The following MLYCD variants were observed in gnomAD, a reference collection of about 807,000 sequenced individuals.
The protein encoded by MLYCD is malonyl-CoA decarboxylase, also known as malonyl-CoA decarboxylase, mitochondrial.
In MLYCD, 27 loss-of-function variants were observed where a neutral mutation model predicts 35.8. That is an observed-to-expected ratio of 0.75 (90% CI 0.56 to 1.04). MLYCD has a LOEUF of 1.04. Among genes scored for constraint, MLYCD ranks in the 50% least tolerant of loss-of-function variants. The pLI is 0.00. For missense variants in MLYCD, 917 were observed against 665.1 expected (o/e 1.38, Z -4.17); for synonymous variants, 403 against 302.4 (o/e 1.33, Z -3.45).
At chr16:83,910,069 G>A (rs1359760441) in intron 3 of MLYCD, among the ~76,000 whole-genome samples, 1 of 152,156 alleles carries the variant, frequency 6.6e-6, no homozygotes, top group Non-Finnish European at 1.5e-5. Flanking sequence ...GTGAGAATGT[G>A]CGTGGGTACG....
At chr16:83,906,617 G>A (rs545835506) in intron 1 of MLYCD, among the ~76,000 whole-genome samples, 3 of 152,330 alleles carry the variant, frequency 2.0e-5, no homozygotes, top group Admixed American at 6.5e-5. Context: ...TGCTGTCTTA[G>A]TGTTTCCCTT....
In MLYCD at chr16:83,918,625, A is replaced by G. The variant is rs1567639089; in HGVS notation, c.*3136A>G. On this transcript the variant is annotated 3_prime_UTR_variant, in exon 5 of 5. Transcript: ENST00000262430. ...CACAGTGCACAGGAGAACACGGTGCACCGGAGAACATGCACACATGGTGCA... is the reference window on the plus strand; with the variant it reads ...CACAGTGCACAGGAGAACACGGTGCGCCGGAGAACATGCACACATGGTGCA... The G allele has an allele frequency of 6.8e-6, 1 of 146,792 alleles. No individual in the cohort carries two copies. The highest frequency in any genetic ancestry group is 1.5e-5 in the Non-Finnish European group (1 of 66,720). The allele number at this position is 146,792 out of a possible 1,614,324, so 9.1% of individuals were successfully genotyped here.
At position 83,923,050 on chromosome 16, in the gene MLYCD, C is replaced by G. The variant is rs1308273988; in HGVS notation, c.*7561C>G. ...TCAGAATCTGAACTCCCTGTGGTCACTCTGAGGCCTCTCTGTCTCTCTGTG... is the reference window on the plus strand; with the variant it reads ...TCAGAATCTGAACTCCCTGTGGTCAGTCTGAGGCCTCTCTGTCTCTCTGTG... On this transcript the variant is annotated 3_prime_UTR_variant, in exon 5 of 5. Coordinates refer to ENST00000262430, the MANE Select transcript of MLYCD (RefSeq NM_012213.3). 1.3e-5 allele frequency: 2 copies of G among 152,302 alleles called. No individual in the cohort carries two copies. Among genetic ancestry groups the G allele is most frequent in the Non-Finnish European group, 2.9e-5 (2 of 68,098 alleles). 9.4% of individuals were successfully genotyped at this position (152,302 alleles called of 1,614,324 possible). A position where few individuals can be genotyped will look rare whatever the true frequency, so the allele number is the denominator to read the frequency against.
Position 83,899,339 on chromosome 16 carries a change from G to A in MLYCD, c.195G>A (p.Glu65=). ...ELREKTPAPA[E]GQCADFVSFY... ...GCGAGAAGACACCGGCGCCCGCCGA[G>A]GGTCAGTGCGCGGACTTCGTGAGCT... The change falls in exon 1 of 5, where the codon GAG becomes GAA. Residue 65 remains glutamate (E), a synonymous_variant. Transcript: ENST00000262430. 1 of 1,515,052 alleles carries A rather than the reference G, an allele frequency of 6.6e-7. No individual in the cohort carries two copies. 93.9% of individuals were successfully genotyped at this position (1,515,052 alleles called of 1,614,324 possible).
Position 83,908,173 on chromosome 16 carries a change from G to C in MLYCD, c.689G>C (p.Arg230Pro). Residue 230 changes from arginine to proline, a missense_variant, in exon 3 of 5, where the codon CGC (arginine) becomes CCC (proline). Coordinates refer to ENST00000262430, the MANE Select transcript of MLYCD (RefSeq NM_012213.3). ...PVKNWMDMKR[R>P]VGPYRRCYFF... is the part of the protein sequence containing the mutation. Reference sequence around the variant, plus strand: ...AAAAACTGGATGGACATGAAGCGCCGCGTTGGGCCCTACAGAAGGTGTTAC... The same window carrying C: ...AAAAACTGGATGGACATGAAGCGCCCCGTTGGGCCCTACAGAAGGTGTTAC... 1 of 1,614,196 alleles carries C rather than the reference G, an allele frequency of 6.2e-7. No individual in the cohort carries two copies. The highest frequency in any genetic ancestry group is 8.5e-7 in the Non-Finnish European group (1 of 1,180,042).
rs1907790491 is a variant in MLYCD at position 83,925,878 on chromosome 16, GT to G, written c.*10390del. 6.6e-6 allele frequency: 1 copy of G among 152,428 alleles called. No individual in the cohort carries two copies. Among genetic ancestry groups the G allele is most frequent in the Admixed American group, 6.5e-5 (1 of 15,272 alleles). 9.4% of individuals were successfully genotyped at this position (152,428 alleles called of 1,614,324 possible). ...AGGTCACAGTCCCCCTTTATTTGCC[GT>G]CTTCTCACTGGGGCCTCTCCTTCCT... On this transcript the variant is annotated 3_prime_UTR_variant, in exon 5 of 5. Coordinates refer to ENST00000262430, the MANE Select transcript of MLYCD (RefSeq NM_012213.3).
chr16:83,919,727 C>CAGAACACACGGGGCACAGG lies in MLYCD; in HGVS notation c.*4247_*4248insGGGGCACAGGAGAACACAC, dbSNP rs1555540067. On this transcript the variant is annotated 3_prime_UTR_variant, in exon 5 of 5. Coordinates refer to ENST00000262430, the MANE Select transcript of MLYCD (RefSeq NM_012213.3). ...GGGGCACAGGAGAACACACAGTGCA[C>CAGAACACACGGGGCACAGG]AGAACACACAGTGCACAGAACACAC... The CAGAACACACGGGGCACAGG allele has an allele frequency of 1.1e-4, 15 of 135,412 alleles. No homozygotes were observed. The highest frequency in any genetic ancestry group is 5.4e-4 in the African/African-American group (15 of 28,004). 8.4% of individuals were successfully genotyped at this position (135,412 alleles called of 1,614,324 possible).
At position 83,918,095 on chromosome 16, in the gene MLYCD, C is replaced by G. The variant is rs921032165; in HGVS notation, c.*2606C>G. On this transcript the variant is annotated 3_prime_UTR_variant, in exon 5 of 5. Coordinates refer to ENST00000262430, the MANE Select transcript of MLYCD (RefSeq NM_012213.3). ...GTTCAAATCCATTTTACTATTGCGG[C>G]CAAGGAGCCCTCCCTCCAGCAAGGC... The G allele has an allele frequency of 6.6e-6, 1 of 152,264 alleles. No individual in the cohort carries two copies. The highest frequency in any genetic ancestry group is 1.5e-5 in the Non-Finnish European group (1 of 68,054). The allele number at this position is 152,264 out of a possible 1,614,324, so 9.4% of individuals were successfully genotyped here. A position where few individuals can be genotyped will look rare whatever the true frequency, so the allele number is the denominator to read the frequency against.
rs1341472324 is a variant in MLYCD, at chr16:83,912,486, G to A, written c.948+119G>A. ...ATGAAGACAGGAGCTAAAGGGAGGGGCAGGGGGTAGAAAAGGTGCCAGAGA... is the reference window on the plus strand; with the variant it reads ...ATGAAGACAGGAGCTAAAGGGAGGGACAGGGGGTAGAAAAGGTGCCAGAGA... On this transcript the variant is annotated intron_variant, in intron 4 of 4. Transcript: ENST00000262430. 14 of 1,395,244 alleles carry A rather than the reference G, an allele frequency of 1.0e-5. No individual in the cohort carries two copies. The Admixed American group carries it at 2.5e-4, about 25-fold the overall frequency. The allele number at this position is 1,395,244 out of a possible 1,614,324, so 86.4% of individuals were successfully genotyped here.
At position 83,920,320 on chromosome 16, in the gene MLYCD, C is replaced by G. The variant is rs892643344; in HGVS notation, c.*4831C>G. The G allele has an allele frequency of 4.6e-5, 7 of 152,314 alleles. No individual in the cohort carries two copies. Among genetic ancestry groups the G allele is most frequent in the Non-Finnish European group, 8.8e-5 (6 of 68,028 alleles). 9.4% of individuals were successfully genotyped at this position (152,314 alleles called of 1,614,324 possible). On this transcript the variant is annotated 3_prime_UTR_variant, in exon 5 of 5. Coordinates refer to ENST00000262430, the MANE Select transcript of MLYCD (RefSeq NM_012213.3). ...GGTTCCTCAAAACCTTTTTGGGCAGCTAGCAGCTTTGACTAGCAGCTCATC... is the reference window on the plus strand; with the variant it reads ...GGTTCCTCAAAACCTTTTTGGGCAGGTAGCAGCTTTGACTAGCAGCTCATC...
Position 83,915,101 on chromosome 16 carries a change from A to G in MLYCD, c.1094A>G (p.Glu365Gly). The change falls in exon 5 of 5, where the codon GAG (glutamate) becomes GGG (glycine). Residue 365 changes from glutamate (E) to glycine (G), a missense_variant. Glu to Gly is a moderately conservative substitution (Grantham distance 98). Coordinates refer to ENST00000262430, the MANE Select transcript of MLYCD (RefSeq NM_012213.3). Reference sequence around the variant, plus strand: ...GATTCGGAATGTAAGGAAATCTCGGAGATCACAGGTGGCCCCATTAACGAG... The same window carrying G: ...GATTCGGAATGTAAGGAAATCTCGGGGATCACAGGTGGCCCCATTAACGAG... ...FTDSECKEIS[E>G]ITGGPINETL... 1 of 1,614,258 alleles carries G rather than the reference A, an allele frequency of 6.2e-7. No homozygotes were observed. The highest frequency in any genetic ancestry group is 8.5e-7 in the Non-Finnish European group (1 of 1,180,054).
chr16:83,902,190 T>G (rs1364048001), intron 1 of MLYCD, among the ~76,000 whole-genome samples: 1 of 142,112 alleles, frequency 7.0e-6, no homozygotes, highest in Non-Finnish European at 1.5e-5. Flanking sequence ...TATATATATA[T>G]GGTTTTTTGT....
intron 3 of MLYCD, among the ~76,000 whole-genome samples, chr16:83,911,382 G>C (rs572931304): frequency 6.6e-6 from 1 of 152,344 alleles, no homozygotes; most frequent in South Asian, 2.1e-4. Flanking sequence ...GAAGGTCGCT[G>C]GTAGAAGTTA....
rs1187018250 is a variant in MLYCD, at chr16:83,919,710, G to A, written c.*4221G>A. 6.8e-6 allele frequency: 1 copy of A among 147,972 alleles called. No individual in the cohort carries two copies. Among genetic ancestry groups the A allele is most frequent in the African/African-American group, 2.5e-5 (1 of 39,218 alleles). The allele number at this position is 147,972 out of a possible 1,614,324, so 9.2% of individuals were successfully genotyped here. A position where few individuals can be genotyped will look rare whatever the true frequency, so the allele number is the denominator to read the frequency against. ...CAGTGCACAGAACACACGGGGCACA[G>A]GAGAACACACAGTGCACAGAACACA... On this transcript the variant is annotated 3_prime_UTR_variant, in exon 5 of 5. Coordinates refer to ENST00000262430, the MANE Select transcript of MLYCD (RefSeq NM_012213.3).
At chr16:83,912,850 A>C (rs1312105583) in intron 4 of MLYCD, 1 of 241,838 alleles carries the variant, frequency 4.1e-6, no homozygotes, top group Non-Finnish European at 8.3e-6. Flanking sequence ...GGGAGTGCTG[A>C]GGTGAGACCA....
In MLYCD at chr16:83,918,514, ACAC is replaced by A. The variant is rs1475256859; in HGVS notation, c.*3026_*3028del. On this transcript the variant is annotated 3_prime_UTR_variant, in exon 5 of 5. Coordinates refer to ENST00000262430, the MANE Select transcript of MLYCD (RefSeq NM_012213.3). ...GAGAACACGCACAGTGCACAGGAGAACACAGAGTGCACAGGAGAACACATGGTG... is the reference window on the plus strand; with the variant it reads ...GAGAACACGCACAGTGCACAGGAGAAAGAGTGCACAGGAGAACACATGGTG... 3.5e-5 allele frequency: 5 copies of A among 142,506 alleles called. No individual in the cohort carries two copies. Among genetic ancestry groups the A allele is most frequent in the Admixed American group, 2.8e-4 (4 of 14,086 alleles). 8.8% of individuals were successfully genotyped at this position (142,506 alleles called of 1,614,324 possible).
chr16:83,899,621 C>T lies in MLYCD; in HGVS notation c.477C>T (p.Ala159=), dbSNP rs1302265017. 1.3e-6 allele frequency: 2 copies of T among 1,570,268 alleles called. No homozygotes were observed. Among genetic ancestry groups the T allele is most frequent in the Non-Finnish European group, 1.7e-6 (2 of 1,167,220 alleles). The part of the protein sequence containing the change: ...GGVRFLVQLR[A]DLLEAQALKL... ...TGCGCTTCCTGGTGCAGCTGCGGGC[C>T]GACCTGCTGGAGGCGCAGGCCCTCA... Residue 159 remains alanine (A), a synonymous_variant, in exon 1 of 5, where the codon GCC becomes GCT. Coordinates refer to ENST00000262430, the MANE Select transcript of MLYCD (RefSeq NM_012213.3).
chr16:83,906,242 T>A (rs1052672705), intron 1 of MLYCD, among the ~76,000 whole-genome samples: 1 of 151,084 alleles, frequency 6.6e-6, no homozygotes, highest in South Asian at 2.1e-4. Flanking sequence ...CAAAAAAAAA[T>A]TATCCAGGCT....
chr16:83,910,798 C>A (rs1047350620), intron 3 of MLYCD, among the ~76,000 whole-genome samples: 4 of 152,158 alleles, frequency 2.6e-5, no homozygotes, highest in Admixed American at 6.5e-5. Flanking sequence ...GACAGCGGGC[C>A]CCTCTCGGGC....
Sources: gnomAD v4.1 joint callset for allele counts (sites outside exome capture counted in the v4.1 genomes callset) on GRCh38, gnomAD v4.1.1 for gene constraint, MANE v1.5 for transcripts, NCBI Gene and HGNC (gene_info 2026-07-23, HGNC 2026-07-21) for gene names.